Variants in DRC11 observed in about 807,000 individuals in gnomAD.
DRC11 encodes IQ and AAA domain-containing protein 1.
the DRC11 span, among the ~76,000 whole-genome samples, chr2:236,355,183 G>A: frequency 1.3e-5 from 2 of 152,166 alleles, no homozygotes; most frequent in Non-Finnish European, 1.5e-5. Context: ...CCGTACAGAC[G>A]CCGGCATCCC....
the DRC11 span, among the ~76,000 whole-genome samples, chr2:236,377,999 A>T: frequency 1.3e-5 from 2 of 152,194 alleles, no homozygotes; most frequent in East Asian, 1.9e-4. This position sits in a 1 kb window ranked among gnomAD's most constrained non-coding sequence, Gnocchi z 4.9. Flanking sequence ...GTCTTTCTCT[A>T]AGTTGAGAAT....
chr2:236,414,260 A>G, the DRC11 span, among the ~76,000 whole-genome samples: 1 of 151,942 alleles, frequency 6.6e-6, no homozygotes, highest in Non-Finnish European at 1.5e-5. Context: ...TTTCCCTTTT[A>G]TGGATCCTGC....
At chr2:236,312,336 C>T in the DRC11 span, among the ~76,000 whole-genome samples, 1 of 150,140 alleles carries the variant, frequency 6.7e-6, no homozygotes, top group African/African-American at 2.5e-5. Context: ...TACATGTGTA[C>T]ATCATAGTTC....
At chr2:236,308,011 GTCC>G in the DRC11 span, among the ~76,000 whole-genome samples, 28 of 151,170 alleles carry the variant, frequency 1.9e-4, 1 homozygote, top group African/African-American at 4.9e-4. This position sits in a 1 kb window ranked among gnomAD's most constrained non-coding sequence, Gnocchi z 6.0. Flanking sequence ...TGACGCAGGC[GTCC>G]TCGTGTGCTT....
the DRC11 span, among the ~76,000 whole-genome samples, chr2:236,309,189 C>G: frequency 6.6e-6 from 1 of 152,210 alleles, no homozygotes. This position sits in a 1 kb window ranked among gnomAD's most constrained non-coding sequence, Gnocchi z 5.7. Flanking sequence ...CGGCTCCCTG[C>G]TCCAGGCACT....
the DRC11 span, among the ~76,000 whole-genome samples, chr2:236,357,508 T>C: frequency 7.9e-6 from 1 of 127,220 alleles, no homozygotes; most frequent in African/African-American, 3.1e-5. Context: ...TATTTACATA[T>C]TATAAATATA....
chr2:236,358,023 A>ATGAATATATATTTATAATATATAGATAT, the DRC11 span, among the ~76,000 whole-genome samples: 1 of 80,774 alleles, frequency 1.2e-5, no homozygotes, highest in African/African-American at 4.5e-5. Context: ...ATATAGATAT[A>ATGAATATATATTTATAATATATAGATAT]ATATGAATAT....
At chr2:236,356,912 T>TTA in the DRC11 span, among the ~76,000 whole-genome samples, 1 of 82,820 alleles carries the variant, frequency 1.2e-5, no homozygotes, top group Non-Finnish European at 2.3e-5. Flanking sequence ...TATTTATATA[T>TTA]TATATATATT....
the DRC11 span, among the ~76,000 whole-genome samples, chr2:236,444,337 A>T: frequency 0.44 from 67,284 of 152,202 alleles, 15,375 homozygotes; most frequent in African/African-American, 0.51. Flanking sequence ...GGCAGTGAAG[A>T]CTACAGTGTT....
At chr2:236,357,543 T>C in the DRC11 span, among the ~76,000 whole-genome samples, 1 of 127,454 alleles carries the variant, frequency 7.8e-6, no homozygotes, top group African/African-American at 3.1e-5. Context: ...ATATAATTTA[T>C]ATATTATTAC....
chr2:236,366,263 G>A, the DRC11 span, among the ~76,000 whole-genome samples: 1 of 152,166 alleles, frequency 6.6e-6, no homozygotes, highest in South Asian at 2.1e-4. Flanking sequence ...TGCAGCCGGT[G>A]TCTCCTGGCC....
At chr2:236,357,557 TTTACA>T in the DRC11 span, among the ~76,000 whole-genome samples, 9 of 118,088 alleles carry the variant, frequency 7.6e-5, no homozygotes, top group Non-Finnish European at 1.3e-4. Flanking sequence ...TTATTACATA[TTTACA>T]TATATGCATA....
chr2:236,307,212 C>T, the DRC11 span, among the ~76,000 whole-genome samples: 1 of 152,164 alleles, frequency 6.6e-6, no homozygotes, highest in African/African-American at 2.4e-5. This position sits in a 1 kb window ranked among gnomAD's most constrained non-coding sequence, Gnocchi z 7.0. Context: ...ATTCCTGGAT[C>T]GTCAATGCTC....
At chr2:236,326,078 A>C in the DRC11 span, among the ~76,000 whole-genome samples, 1 of 152,146 alleles carries the variant, frequency 6.6e-6, no homozygotes, top group Non-Finnish European at 1.5e-5. Context: ...TTTGTAGGTA[A>C]TCTGGTAGGT....
the DRC11 span, among the ~76,000 whole-genome samples, chr2:236,340,801 T>A: frequency 6.6e-6 from 1 of 152,204 alleles, no homozygotes; most frequent in East Asian, 1.9e-4. Flanking sequence ...TCAGCCTATC[T>A]GGATGACAAA....
At chr2:236,357,587 A>G in the DRC11 span, among the ~76,000 whole-genome samples, 1 of 126,720 alleles carries the variant, frequency 7.9e-6, no homozygotes, top group African/African-American at 3.2e-5. Flanking sequence ...TATATTATAA[A>G]TATGCATTTA....
the DRC11 span, among the ~76,000 whole-genome samples, chr2:236,503,099 G>A: frequency 6.6e-6 from 1 of 152,222 alleles, no homozygotes; most frequent in Non-Finnish European, 1.5e-5. This position sits in a 1 kb window ranked among gnomAD's most constrained non-coding sequence, Gnocchi z 4.9. Context: ...GGAACAGACA[G>A]TAAAAGTTAA....
the DRC11 span, among the ~76,000 whole-genome samples, chr2:236,342,941 G>A: frequency 3.3e-5 from 5 of 152,112 alleles, no homozygotes; most frequent in African/African-American, 1.2e-4. This position sits in a 1 kb window ranked among gnomAD's most constrained non-coding sequence, Gnocchi z 5.8. Context: ...CAGAGAAAAC[G>A]TCCAGTTCAT....
chr2:236,501,418 C>A, the DRC11 span, among the ~76,000 whole-genome samples: 1 of 152,172 alleles, frequency 6.6e-6, no homozygotes, highest in South Asian at 2.1e-4. Context: ...GGAACAACAA[C>A]AACCATCACT....
Sources: gnomAD v4.1 joint callset for allele counts (sites outside exome capture counted in the v4.1 genomes callset) on GRCh38, gnomAD v4.1.1 for gene constraint, Gnocchi (gnomAD v3.1) non-coding constraint, MANE v1.5 for transcripts, NCBI Gene and HGNC (gene_info 2026-07-23, HGNC 2026-07-21) for gene names.